Variants in FRMD3 observed in about 807,000 individuals in gnomAD.
FRMD3 encodes FERM domain-containing protein 3.
FRMD3 carries 33 observed loss-of-function variants against 70.2 expected under a neutral mutation model. The ratio of observed to expected loss-of-function variants is 0.47; its 90% confidence interval spans 0.36 to 0.63. FRMD3 has a LOEUF of 0.63. Among genes scored for constraint, FRMD3 ranks in the 20% least tolerant of loss-of-function variants. The probability of loss-of-function intolerance (pLI) is 0.00; values close to 1 mark genes in which losing one functional copy is unlikely to be tolerated. For synonymous variants in FRMD3, 279 were observed against 255.9 expected (o/e 1.09, Z -0.86); for missense variants, 632 against 711.4 (o/e 0.89, Z 1.27).
Position 83,507,732 on chromosome 9 carries a change from A to ATCTATCTATC in FRMD3, c.147+30352_147+30353insGATAGATAGA, listed in dbSNP as rs1158473884. 5.9e-4 allele frequency among the ~76,000 whole-genome samples: 55 copies of ATCTATCTATC among 92,954 alleles called. 4 individuals carry two copies. Among genetic ancestry groups the ATCTATCTATC allele is most frequent in the Admixed American group, 1.5e-3 (12 of 7,838 alleles). The allele number at this position is 92,954 out of a possible 152,430, so 61.0% of individuals were successfully genotyped here. A position where few individuals can be genotyped will look rare whatever the true frequency, so the allele number is the denominator to read the frequency against. The stretch of plus-strand genomic sequence containing the variant: ...TATATATATATATATATATATATAT[A>ATCTATCTATC]TATATATCTTCTGGAATATTTCCTG... On this transcript the variant is annotated intron_variant, in intron 1 of 13. Transcript: ENST00000304195.
At chr9:83,388,035 C>A (rs563684049) in intron 2 of FRMD3, among the ~76,000 whole-genome samples, 1 of 152,174 alleles carries the variant, frequency 6.6e-6, no homozygotes, top group African/African-American at 2.4e-5. Flanking sequence ...GCCCTGCCAC[C>A]TTCGTCTCAC....
At chr9:83,530,754 A>T (rs550320540) in intron 1 of FRMD3, among the ~76,000 whole-genome samples, 38 of 152,222 alleles carry the variant, frequency 2.5e-4, no homozygotes, top group African/African-American at 8.9e-4. Flanking sequence ...GACTTCCAGG[A>T]TTCCCCAGAC....
chr9:83,550,112 G>A, the FRMD3 span, among the ~76,000 whole-genome samples: 27 of 152,150 alleles, frequency 1.8e-4, no homozygotes, highest in African/African-American at 6.5e-4. Flanking sequence ...ATTTTATCTT[G>A]AGTTGACGTT....
At chr9:83,452,092 T>G (rs1417887516) in intron 1 of FRMD3, among the ~76,000 whole-genome samples, 1 of 152,204 alleles carries the variant, frequency 6.6e-6, no homozygotes, top group African/African-American at 2.4e-5. Context: ...CTTAGAACTT[T>G]CCAGCAGCCA....
the FRMD3 span, among the ~76,000 whole-genome samples, chr9:83,566,685 G>A: frequency 6.6e-6 from 1 of 152,196 alleles, no homozygotes; most frequent in African/African-American, 2.4e-5. Flanking sequence ...CAGGGCCCAA[G>A]CAAGTCCAAA....
At chr9:83,411,410 T>G (rs1487595464) in intron 1 of FRMD3, among the ~76,000 whole-genome samples, 1 of 152,186 alleles carries the variant, frequency 6.6e-6, no homozygotes, top group Non-Finnish European at 1.5e-5. Flanking sequence ...TTGTTTTAGC[T>G]CAATCCACAC....
At chr9:83,503,199 T>G (rs1376620315) in intron 1 of FRMD3, among the ~76,000 whole-genome samples, 2 of 152,156 alleles carry the variant, frequency 1.3e-5, no homozygotes, top group African/African-American at 2.4e-5. Flanking sequence ...TATGCTATGT[T>G]ACATGGCACA....
At position 83,343,187 on chromosome 9, in the gene FRMD3, T is replaced by C; in HGVS notation, c.472+3A>G. ...GGCGTGGGTGAGCTGTGGCCAGACT[T>C]ACCTTGAACAATACAGGCACCCAGG... On this transcript the variant is annotated splice_donor_region_variant and intron_variant, in intron 5 of 13. Coordinates refer to ENST00000304195, the MANE Select transcript of FRMD3 (RefSeq NM_174938.6). 1 of 1,608,676 alleles carries C rather than the reference T, an allele frequency of 6.2e-7. No homozygotes were observed. Among genetic ancestry groups the C allele is most frequent in the Non-Finnish European group, 8.5e-7 (1 of 1,175,156 alleles).
chr9:83,311,980 A>G lies in FRMD3; in HGVS notation c.685-5T>C, dbSNP rs765969971. On this transcript the variant is annotated splice_polypyrimidine_tract_variant and splice_region_variant and intron_variant, in intron 7 of 13. Transcript: ENST00000304195. ...TGTTGTTGTGCCTGTTGAATCCTGAAAAAAAAAAAAAAGAAAAAAGAAAAA... is the reference window on the plus strand; with the variant it reads ...TGTTGTTGTGCCTGTTGAATCCTGAGAAAAAAAAAAAAGAAAAAAGAAAAA... The G allele has an allele frequency of 9.4e-7, 1 of 1,061,164 alleles. No individual in the cohort carries two copies. Among genetic ancestry groups the G allele is most frequent in the East Asian group, 4.8e-5 (1 of 20,844 alleles). 65.7% of individuals were successfully genotyped at this position (1,061,164 alleles called of 1,614,324 possible).
intron 1 of FRMD3, among the ~76,000 whole-genome samples, chr9:83,460,184 T>C (rs1351365646): frequency 6.6e-6 from 1 of 152,036 alleles, no homozygotes; most frequent in African/African-American, 2.4e-5. Context: ...GTATCCCCAC[T>C]CCCTCACTCT....
chr9:83,356,511 C>T (rs1824349081), intron 3 of FRMD3, among the ~76,000 whole-genome samples: 1 of 151,598 alleles, frequency 6.6e-6, no homozygotes, highest in Non-Finnish European at 1.5e-5. Context: ...CTCCTGACTT[C>T]GTGATCCGCC....
intron 5 of FRMD3, among the ~76,000 whole-genome samples, chr9:83,339,034 T>C (rs1464259392): frequency 6.6e-6 from 1 of 152,156 alleles, no homozygotes; most frequent in Admixed American, 6.5e-5. Context: ...TGAAACTGGG[T>C]CATCTTCAAT....
intron 13 of FRMD3, among the ~76,000 whole-genome samples, chr9:83,272,624 C>A (rs551251207): frequency 2.0e-5 from 2 of 98,198 alleles, no homozygotes; most frequent in South Asian, 2.5e-4. Flanking sequence ...AAGTGAGGAG[C>A]GCCTCTGCCC....
chr9:83,502,319 T>C (rs1012157251), intron 1 of FRMD3, among the ~76,000 whole-genome samples: 8 of 152,176 alleles, frequency 5.3e-5, no homozygotes, highest in Non-Finnish European at 1.2e-4. Context: ...TCTAAAGGCA[T>C]GTTCCCAGTA....
chr9:83,342,043 A>ATC (rs112748690), intron 5 of FRMD3, among the ~76,000 whole-genome samples: 56,454 of 139,596 alleles, frequency 0.4, 11,372 homozygotes, highest in Non-Finnish European at 0.47. Flanking sequence ...TGACATAGTC[A>ATC]TCTCTCTCTC....
intron 4 of FRMD3, among the ~76,000 whole-genome samples, chr9:83,345,524 G>T (rs192376199): frequency 9.2e-5 from 14 of 152,234 alleles, no homozygotes; most frequent in Non-Finnish European, 2.1e-4. Context: ...TTGGGAGGCC[G>T]AGTTGGGTGG....
At chr9:83,298,918 G>T in intron 11 of FRMD3, 102 bp from the exon 12 acceptor site, 4 of 1,209,606 alleles carry the variant, frequency 3.3e-6, no homozygotes, top group Non-Finnish European at 4.9e-6. Flanking sequence ...GTCTGACCCA[G>T]CTATAGAAAT....
At chr9:83,359,755 A>G (rs918429001) in intron 3 of FRMD3, among the ~76,000 whole-genome samples, 4 of 152,162 alleles carry the variant, frequency 2.6e-5, no homozygotes, top group African/African-American at 9.7e-5. Flanking sequence ...CCATATGAAC[A>G]TAGGTGGTGA....
intron 1 of FRMD3, among the ~76,000 whole-genome samples, chr9:83,447,106 C>T (rs957688586): frequency 1.3e-5 from 2 of 152,170 alleles, no homozygotes; most frequent in African/African-American, 2.4e-5. Context: ...TCACTGCAAG[C>T]TCTGCCTCCC....
Sources: allele counts gnomAD v4.1 joint callset (sites outside exome capture counted in the v4.1 genomes callset), GRCh38; gene constraint gnomAD v4.1.1; transcripts MANE v1.5; gene names NCBI Gene and HGNC (gene_info 2026-07-23, HGNC 2026-07-21).